TMEM132D: variants seen among roughly 807,000 people sequenced by gnomAD.
The protein encoded by TMEM132D is mature OL transmembrane protein.
A neutral mutation model predicts 62.3 loss-of-function variants in TMEM132D; 21 were observed. The ratio of observed to expected loss-of-function variants is 0.34; its 90% CI spans 0.24 to 0.49. The LOEUF (loss-of-function observed/expected upper bound fraction) is 0.49. TMEM132D is among the 20% of genes least tolerant of loss of function. TMEM132D has a pLI of 0.99. For synonymous variants in TMEM132D, 621 were observed against 575.6 expected, an observed-to-expected ratio of 1.08 and a Z score of -1.13; for missense variants, 1,346 against 1,402.8, an observed-to-expected ratio of 0.96 and a Z score of 0.65.
At chr12:129,722,385 C>A (rs1460033753) in intron 1 of TMEM132D, among the ~76,000 whole-genome samples, 1 of 152,210 alleles carries the variant, frequency 6.6e-6, no homozygotes, top group Non-Finnish European at 1.5e-5. Flanking sequence ...TGCTGCAAGC[C>A]CCCGTCACAT....
At chr12:129,522,754 T>G (rs1875888258) in intron 3 of TMEM132D, 1 of 9,314 alleles carries the variant, frequency 1.1e-4, no homozygotes, top group Non-Finnish European at 2.3e-4. Flanking sequence ...CCTTAACAAA[T>G]AAAAAAATAC....
intron 2 of TMEM132D, among the ~76,000 whole-genome samples, chr12:129,683,538 G>T (rs1379559273): frequency 1.3e-5 from 2 of 152,064 alleles, no homozygotes; most frequent in Non-Finnish European, 2.9e-5. Flanking sequence ...ACCCAGAAGT[G>T]GTACACAGAA....
intron 2 of TMEM132D, among the ~76,000 whole-genome samples, chr12:129,640,628 G>A (rs532104678): frequency 4.7e-4 from 71 of 152,274 alleles, no homozygotes; most frequent in African/African-American, 1.7e-3. Flanking sequence ...CTCACTTCTG[G>A]TCATAACCTG....
intron 5 of TMEM132D, among the ~76,000 whole-genome samples, chr12:129,204,563 T>C (rs957815511): frequency 1.2e-4 from 19 of 152,196 alleles, no homozygotes; most frequent in African/African-American, 4.3e-4. Context: ...CTGGTATCCC[T>C]GAAAGAGACA....
intron 4 of TMEM132D, among the ~76,000 whole-genome samples, chr12:129,224,123 C>T (rs888137867): frequency 2.0e-5 from 3 of 152,090 alleles, no homozygotes; most frequent in Non-Finnish European, 4.4e-5. Context: ...TGCGGTGGGG[C>T]GAAGAATTGT....
chr12:129,392,851 GAACA>G (rs1258062076), intron 3 of TMEM132D, among the ~76,000 whole-genome samples: 1 of 152,204 alleles, frequency 6.6e-6, no homozygotes, highest in Non-Finnish European at 1.5e-5. Flanking sequence ...TAATTCAAGT[GAACA>G]GACAGGGCCA....
chr12:129,189,131 T>C (rs1205319151), intron 5 of TMEM132D, among the ~76,000 whole-genome samples: 1 of 151,658 alleles, frequency 6.6e-6, no homozygotes, highest in Non-Finnish European at 1.5e-5. Flanking sequence ...GGCCTTCAGG[T>C]CCCCATGAGA....
intron 3 of TMEM132D, among the ~76,000 whole-genome samples, chr12:129,428,140 CAGAGGTGA>C (rs879644171): frequency 4.6e-5 from 7 of 152,144 alleles, no homozygotes; most frequent in Non-Finnish European, 1.0e-4. Context: ...GATGAAAGGT[CAGAGGTGA>C]TGTCCTAGAA....
intron 4 of TMEM132D, among the ~76,000 whole-genome samples, chr12:129,311,134 C>A (rs1881963316): frequency 1.2e-5 from 1 of 82,188 alleles, no homozygotes; most frequent in Non-Finnish European, 2.0e-5. Context: ...GGAGGCGGAG[C>A]TTGCAGTGAG....
intron 2 of TMEM132D, among the ~76,000 whole-genome samples, chr12:129,663,060 T>C (rs1327742807): frequency 6.6e-6 from 1 of 152,144 alleles, no homozygotes; most frequent in Admixed American, 6.5e-5. Flanking sequence ...GGTTATAGTC[T>C]TTATACCTAG....
intron 4 of TMEM132D, among the ~76,000 whole-genome samples, chr12:129,301,575 T>C (rs1881714725): frequency 6.6e-6 from 1 of 152,162 alleles, no homozygotes; most frequent in East Asian, 1.9e-4. Flanking sequence ...GGCAAGAATA[T>C]GAGGCCTTCA....
At chr12:129,155,972 A>C (rs1877230243) in intron 5 of TMEM132D, among the ~76,000 whole-genome samples, 1 of 151,988 alleles carries the variant, frequency 6.6e-6, no homozygotes, top group African/African-American at 2.4e-5. Context: ...ATGATAACTA[A>C]CCCATCCCCA....
chr12:129,394,108 G>A (rs917405798), intron 3 of TMEM132D, among the ~76,000 whole-genome samples: 8 of 152,146 alleles, frequency 5.3e-5, no homozygotes, highest in Non-Finnish European at 8.8e-5. Context: ...TTTGTGGCAC[G>A]GCACGTTTTT....
chr12:129,725,373 T>C (rs548045705), intron 1 of TMEM132D, among the ~76,000 whole-genome samples: 1 of 152,330 alleles, frequency 6.6e-6, no homozygotes, highest in South Asian at 2.1e-4. Flanking sequence ...GCTCGCTAAT[T>C]TGTAGCATTT....
At chr12:129,688,257 T>C (rs958931588) in intron 2 of TMEM132D, among the ~76,000 whole-genome samples, 1 of 152,234 alleles carries the variant, frequency 6.6e-6, no homozygotes, top group African/African-American at 2.4e-5. Context: ...AAATAGTTTA[T>C]TTAAATGTCT....
chr12:129,367,852 C>T (rs1870470841), intron 3 of TMEM132D, among the ~76,000 whole-genome samples: 1 of 143,560 alleles, frequency 7.0e-6, no homozygotes, highest in African/African-American at 2.6e-5. Context: ...GCAGTGCAAT[C>T]TTGGCTCACT....
chr12:129,818,664 A>G (rs1338201246), intron 1 of TMEM132D, among the ~76,000 whole-genome samples: 2 of 151,808 alleles, frequency 1.3e-5, no homozygotes, highest in Non-Finnish European at 2.9e-5. Flanking sequence ...CAAGACAGCA[A>G]GTTGCCTTTC....
At chr12:129,449,422 T>C (rs926859720) in intron 3 of TMEM132D, among the ~76,000 whole-genome samples, 23 of 152,268 alleles carry the variant, frequency 1.5e-4, no homozygotes, top group African/African-American at 5.3e-4. Flanking sequence ...AAGGCTGTAG[T>C]CTAAGTTTCC....
intron 2 of TMEM132D, among the ~76,000 whole-genome samples, chr12:129,602,543 A>C (rs1368680527): frequency 6.6e-6 from 1 of 152,198 alleles, no homozygotes; most frequent in Admixed American, 6.5e-5. Context: ...TACCTATCCC[A>C]TCCAACTCCG....
Sources: allele counts gnomAD v4.1 joint callset (sites outside exome capture counted in the v4.1 genomes callset), GRCh38; gene constraint gnomAD v4.1.1; transcripts MANE v1.5; gene names NCBI Gene and HGNC (gene_info 2026-07-23, HGNC 2026-07-21).